CSMD3: variants seen among roughly 807,000 people sequenced by gnomAD.
CSMD3 encodes the protein CUB and sushi domain-containing protein 3.
A neutral mutation model predicts 435.2 loss-of-function variants in CSMD3; 177 were observed. That is an observed-to-expected ratio of 0.41 (90% confidence interval 0.36 to 0.46). The LOEUF (loss-of-function observed/expected upper bound fraction) is 0.46. Among genes scored for constraint, CSMD3 ranks in the 20% least tolerant of loss-of-function variants. The pLI, the probability that CSMD3 is intolerant of heterozygous loss-of-function variation, is 0.34. For synonymous variants in CSMD3, 1,656 were observed against 1,520.5 expected, an observed-to-expected ratio of 1.09 and a Z score of -2.07; for missense variants, 4,265 against 4,504.6, an observed-to-expected ratio of 0.95 and a Z score of 1.52.
chr8:112,759,656 T>G (rs2132141167), intron 13 of CSMD3, among the ~76,000 whole-genome samples: 1 of 152,264 alleles, frequency 6.6e-6, no homozygotes, highest in South Asian at 2.1e-4. Flanking sequence ...TGTATTTGAT[T>G]AATGTATCAA....
intron 32 of CSMD3, among the ~76,000 whole-genome samples, chr8:112,437,517 A>G (rs1456052772): frequency 2.0e-5 from 3 of 152,104 alleles, no homozygotes; most frequent in Admixed American, 1.3e-4. Context: ...AAATATGTCA[A>G]TAAAGCATGG....
At chr8:112,247,761 G>A (rs1224989039) in intron 63 of CSMD3, among the ~76,000 whole-genome samples, 1 of 152,074 alleles carries the variant, frequency 6.6e-6, no homozygotes, top group African/African-American at 2.4e-5. Flanking sequence ...TGTCAGTTCT[G>A]AGGCCTTACC....
intron 4 of CSMD3, among the ~76,000 whole-genome samples, chr8:113,113,839 T>G (rs2090740775): frequency 6.6e-6 from 1 of 152,194 alleles, no homozygotes; most frequent in East Asian, 1.9e-4. Flanking sequence ...ACACAATTTT[T>G]GGAAAAGATA....
intron 70 of CSMD3, among the ~76,000 whole-genome samples, chr8:112,227,508 A>T (rs1368495702): frequency 6.6e-6 from 1 of 152,202 alleles, no homozygotes; most frequent in Non-Finnish European, 1.5e-5. Flanking sequence ...CTCTGAATGT[A>T]CTAAATGCCA....
rs577393781 is a variant in CSMD3 at position 113,103,925 on chromosome 8, T to C, written c.710-4962A>G. 7.2e-5 allele frequency among the ~76,000 whole-genome samples: 11 copies of C among 152,262 alleles called. No individual in the cohort carries two copies. In the East Asian group the frequency reaches 1.2e-3, roughly 16 times the overall value. The stretch of plus-strand genomic sequence containing the variant: ...ACTTTTAATCTCTGTGACAGTTATT[T>C]AGATATTGTAAATGTATGACCTTGT... On this transcript the variant is annotated intron_variant, in intron 4 of 70. Coordinates refer to ENST00000297405, the MANE Select transcript of CSMD3 (RefSeq NM_198123.2).
chr8:113,079,435 T>C (rs1323351888), intron 5 of CSMD3, among the ~76,000 whole-genome samples: 1 of 152,186 alleles, frequency 6.6e-6, no homozygotes, highest in Non-Finnish European at 1.5e-5. Flanking sequence ...CTTTGATTTT[T>C]TTTTCAACTC....
chr8:112,828,079 A>T (rs1473611331), intron 12 of CSMD3, among the ~76,000 whole-genome samples: 1 of 152,234 alleles, frequency 6.6e-6, no homozygotes, highest in African/African-American at 2.4e-5. Flanking sequence ...TGTAAAATAT[A>T]TGCAATTTTA....
intron 6 of CSMD3, among the ~76,000 whole-genome samples, chr8:113,000,584 A>G (rs1017611341): frequency 2.0e-5 from 3 of 152,094 alleles, no homozygotes; most frequent in African/African-American, 7.2e-5. Context: ...CAGTAAATAC[A>G]TACAATTGTA....
intron 3 of CSMD3, among the ~76,000 whole-genome samples, chr8:113,263,221 C>G (rs547339557): frequency 6.6e-6 from 1 of 151,732 alleles, no homozygotes. Context: ...TGATAAGTGC[C>G]TTCAAAGATG....
intron 2 of CSMD3, among the ~76,000 whole-genome samples, chr8:113,306,845 T>C (rs965386124): frequency 1.3e-5 from 2 of 152,142 alleles, no homozygotes; most frequent in South Asian, 2.1e-4. Context: ...GATGGTTTAT[T>C]CACTCTAATT....
At chr8:113,022,341 T>C (rs2086712078) in intron 5 of CSMD3, among the ~76,000 whole-genome samples, 1 of 151,938 alleles carries the variant, frequency 6.6e-6, no homozygotes, top group Non-Finnish European at 1.5e-5. Context: ...TAATAAGAAA[T>C]AGATTGTACA....
intron 14 of CSMD3, among the ~76,000 whole-genome samples, chr8:112,688,764 T>C (rs751535015): frequency 6.6e-6 from 1 of 152,056 alleles, no homozygotes; most frequent in Non-Finnish European, 1.5e-5. Context: ...TTTTATCATA[T>C]ATCAGGATAT....
At chr8:112,294,367 T>A (rs1054843511) in intron 54 of CSMD3, among the ~76,000 whole-genome samples, 5 of 152,120 alleles carry the variant, frequency 3.3e-5, no homozygotes, top group Admixed American at 3.3e-4. Flanking sequence ...TATCCTATGA[T>A]CCTATTATAA....
chr8:112,594,045 C>T (rs964950291), intron 22 of CSMD3, among the ~76,000 whole-genome samples: 3 of 152,142 alleles, frequency 2.0e-5, no homozygotes, highest in African/African-American at 7.2e-5. Flanking sequence ...CAGCTCCGGT[C>T]TACAGCTCCC....
chr8:112,776,317 TCA>T (rs2078245452), intron 13 of CSMD3, among the ~76,000 whole-genome samples: 1 of 151,850 alleles, frequency 6.6e-6, no homozygotes, highest in South Asian at 2.1e-4. Context: ...ATCATATTTC[TCA>T]GTTTTTTTAT....
At chr8:113,380,008 A>T (rs1046637538) in intron 1 of CSMD3, among the ~76,000 whole-genome samples, 3 of 152,138 alleles carry the variant, frequency 2.0e-5, no homozygotes, top group African/African-American at 4.8e-5. Context: ...GTAGATGTTT[A>T]TTTAATTCAC....
rs1588204129 is a variant in CSMD3, at chr8:113,173,623, C to A, written c.709+99G>T. The A allele has an allele frequency of 3.0e-6, 3 of 1,009,548 alleles. No individual in the cohort carries two copies. In the East Asian group the frequency reaches 7.4e-5, roughly 25 times the overall value. 62.5% of individuals were successfully genotyped at this position (1,009,548 alleles called of 1,614,324 possible). ...AGGCGTGAGTCACCATGCCTGGCCT[C>A]TCTATCCTTTAGATTCCGTAGAAGA... On this transcript the variant is annotated intron_variant, in intron 4 of 70. Coordinates refer to ENST00000297405, the MANE Select transcript of CSMD3 (RefSeq NM_198123.2).
chr8:112,606,251 T>C (rs1832783014), intron 22 of CSMD3, among the ~76,000 whole-genome samples: 1 of 152,102 alleles, frequency 6.6e-6, no homozygotes, highest in Admixed American at 6.5e-5. Context: ...TTCTCCTACA[T>C]GGAAAGTAAA....
intron 23 of CSMD3, 51 bp downstream of exon 23, chr8:112,587,015 T>C (rs1830785839): frequency 3.1e-6 from 4 of 1,290,036 alleles, no homozygotes; most frequent in Middle Eastern, 1.9e-4. Context: ...TATTGATGTA[T>C]ATTTAATGAC....
Sources: gnomAD v4.1 joint callset for allele counts (sites outside exome capture counted in the v4.1 genomes callset) on GRCh38, gnomAD v4.1.1 for gene constraint, MANE v1.5 for transcripts, NCBI Gene and HGNC (gene_info 2026-07-23, HGNC 2026-07-21) for gene names.